Variants in TM7SF3 observed in about 807,000 individuals in gnomAD.
TM7SF3 encodes transmembrane 7 superfamily member 3.
A neutral mutation model predicts 65.5 loss-of-function variants in TM7SF3; 60 were observed. The observed-to-expected ratio is 0.92, with a 90% CI of 0.74 to 1.14. The LOEUF (loss-of-function observed/expected upper bound fraction) is 1.14, where lower values mean the gene tolerates loss of function less well. Among genes scored for constraint, TM7SF3 ranks in the 50% most tolerant of loss-of-function variants. The pLI, the probability that TM7SF3 is intolerant of heterozygous loss-of-function variation, is 0.00. For missense variants in TM7SF3, 623 were observed against 684.8 expected (o/e 0.91, Z 1.01); for synonymous variants, 264 against 259.6 (o/e 1.02, Z -0.16).
intron 6 of TM7SF3, among the ~76,000 whole-genome samples, chr12:26,984,424 C>T (rs1429874250): frequency 2.0e-5 from 3 of 146,472 alleles, no homozygotes. Context: ...AGCCAGACTC[C>T]ATCTCAAAAA....
rs1418517686 is a variant in TM7SF3 at position 27,014,215 on chromosome 12, C to A, written c.-47G>T. The A allele has an allele frequency of 2.0e-6, 3 of 1,527,126 alleles. No individual in the cohort carries two copies. Among genetic ancestry groups the A allele is most frequent in the Non-Finnish European group, 2.7e-6 (3 of 1,131,566 alleles). The allele number at this position is 1,527,126 out of a possible 1,614,324, so 94.6% of individuals were successfully genotyped here. On this transcript the variant is annotated 5_prime_UTR_variant, in exon 1 of 12. Transcript: ENST00000343028. ...CCCACGCCAGGGCTGGGGAGAGGTG[C>A]GGGCGTGCGCGCCGGGGCCCCGCAG... is the stretch of plus-strand genomic sequence containing the variant.
At chr12:27,004,242 G>A (rs943685243) in intron 1 of TM7SF3, among the ~76,000 whole-genome samples, 4 of 151,876 alleles carry the variant, frequency 2.6e-5, no homozygotes, top group African/African-American at 9.7e-5. Context: ...CTTTAATTAG[G>A]TTGCTTTTAC....
rs116237653 is a variant in TM7SF3 at position 26,984,861 on chromosome 12, C to T, written c.869-2002G>A. Among the ~76,000 whole-genome samples, 1,011 of 152,250 alleles carry T rather than the reference C, an allele frequency of 6.6e-3. 16 individuals carry two copies. Among genetic ancestry groups the T allele is most frequent in the African/African-American group, 0.022 (931 of 41,530 alleles). On this transcript the variant is annotated intron_variant, in intron 6 of 11. Coordinates refer to ENST00000343028, the MANE Select transcript of TM7SF3 (RefSeq NM_016551.3). ...AGGAGTGAATAGACTAGGACAGGAGCAAGTTGAAGGTTAAAGTGTCTTTAA... is the reference window on the plus strand; with the variant it reads ...AGGAGTGAATAGACTAGGACAGGAGTAAGTTGAAGGTTAAAGTGTCTTTAA...
intron 7 of TM7SF3, among the ~76,000 whole-genome samples, chr12:26,981,192 CTT>C (rs1210131625): frequency 6.6e-6 from 1 of 152,226 alleles, no homozygotes; most frequent in Non-Finnish European, 1.5e-5. Flanking sequence ...ATACAGATAA[CTT>C]TGTTCCCACA....
intron 3 of TM7SF3, among the ~76,000 whole-genome samples, chr12:26,999,193 G>A (rs909017891): frequency 6.6e-6 from 1 of 151,984 alleles, no homozygotes; most frequent in Non-Finnish European, 1.5e-5. Flanking sequence ...TCAGGAGTTC[G>A]AGACCAGCCT....
chr12:27,008,784 T>A lies in TM7SF3; in HGVS notation c.91+5294A>T, dbSNP rs1027842369. 4.6e-5 allele frequency among the ~76,000 whole-genome samples: 7 copies of A among 152,280 alleles called. No homozygotes were observed. In the East Asian group the frequency reaches 1.4e-3, roughly 29 times the overall value. ...AAAAATACCACCCTGTAGTACCCCA[T>A]GTTCTCTCACTTATAAATGGGAGCT... On this transcript the variant is annotated intron_variant, in intron 1 of 11. Transcript: ENST00000343028.
At chr12:26,985,660 T>C (rs1322541971) in intron 6 of TM7SF3, among the ~76,000 whole-genome samples, 2 of 94,056 alleles carry the variant, frequency 2.1e-5, no homozygotes, top group African/African-American at 8.1e-5. Flanking sequence ...AAAATATATA[T>C]ATATATATAT....
Position 26,976,273 on chromosome 12 carries a change from C to T in TM7SF3, c.1274G>A (p.Gly425Asp). ...IAILIPVVFMGCLRILNILTC... is the reference protein window; with the variant it reads ...IAILIPVVFMDCLRILNILTC... ...TGAAACACTTACTATTCTTAGGCAG[C>T]CCATGAAAACTACTGGAATGAGGAT... Residue 425 changes from glycine (G) to aspartate (D), a missense_variant, in exon 10 of 12, where the codon GGC (glycine) becomes GAC (aspartate). By Grantham distance (94) the Gly-to-Asp change is moderately conservative (BLOSUM62 -1). Transcript: ENST00000343028. 1 of 1,610,890 alleles carries T rather than the reference C, an allele frequency of 6.2e-7. No individual in the cohort carries two copies. The highest frequency in any genetic ancestry group is 8.5e-7 in the Non-Finnish European group (1 of 1,177,208).
At chr12:26,991,447 C>T (rs953600663) in intron 5 of TM7SF3, among the ~76,000 whole-genome samples, 2 of 152,150 alleles carry the variant, frequency 1.3e-5, no homozygotes, top group Non-Finnish European at 2.9e-5. Context: ...CCACCGCGCC[C>T]GGCCAGTAGT....
rs1180508767 is a variant in TM7SF3 at position 26,996,846 on chromosome 12, G to C, written c.414C>G (p.Gly138=). The C allele has an allele frequency of 1.2e-6, 2 of 1,612,026 alleles. No homozygotes were observed. Among genetic ancestry groups the C allele is most frequent in the African/African-American group, 2.7e-5 (2 of 74,714 alleles). The part of the protein sequence containing the change: ...SYSERDPVPG[G]CNLEFDLDID... ...TATCTAAATCGAACTCCAAATTACA[G>C]CCTCCAGGGACAGGATCTGGATAAG... The change falls in exon 4 of 12, where the codon GGC becomes GGG. Residue 138 remains glycine, a synonymous_variant. Transcript: ENST00000343028.
At position 27,003,253 on chromosome 12, in the gene TM7SF3, T is replaced by C; in HGVS notation, c.229A>G (p.Thr77Ala). Residue 77 changes from threonine to alanine, a missense_variant, in exon 2 of 12, where the codon ACT becomes GCT. Coordinates refer to ENST00000343028, the MANE Select transcript of TM7SF3 (RefSeq NM_016551.3). ...GCACTTACCGGAGAAAAGGAAACAG[T>C]TGTATTCTGATACTGTGAGTGTATT... The part of the protein sequence containing the change: ...FQIHSQYQNT[T>A]VSFSPTLLSN... 2 of 1,610,880 alleles carry C rather than the reference T, an allele frequency of 1.2e-6. No individual in the cohort carries two copies. Among genetic ancestry groups the C allele is most frequent in the Admixed American group, 1.7e-5 (1 of 59,692 alleles).
rs1249786313 is a variant in TM7SF3, at chr12:26,976,304, T to C, written c.1243A>G (p.Ile415Val). 1.2e-6 allele frequency: 2 copies of C among 1,614,088 alleles called. No individual in the cohort carries two copies. Among genetic ancestry groups the C allele is most frequent in the East Asian group, 2.2e-5 (1 of 44,858 alleles). ...DGVFWVTFSC[I>V]AILIPVVFMG... ...AAAACTACTGGAATGAGGATAGCTATGCAAGAGAAAGTGACCCAGAATACA... is the reference window on the plus strand; with the variant it reads ...AAAACTACTGGAATGAGGATAGCTACGCAAGAGAAAGTGACCCAGAATACA... The change falls in exon 10 of 12, where the codon ATA (isoleucine) becomes GTA (valine). Residue 415 changes from isoleucine (I) to valine (V), a missense_variant. Coordinates refer to ENST00000343028, the MANE Select transcript of TM7SF3 (RefSeq NM_016551.3).
intron 11 of TM7SF3, among the ~76,000 whole-genome samples, chr12:26,974,699 C>T (rs1204129428): frequency 3.3e-5 from 5 of 152,170 alleles, no homozygotes; most frequent in Non-Finnish European, 7.3e-5. Flanking sequence ...AAAGATTCAA[C>T]CAATCGTACT....
intron 9 of TM7SF3, among the ~76,000 whole-genome samples, chr12:26,977,790 GTA>G (rs1461998690): frequency 5.1e-5 from 7 of 136,938 alleles, no homozygotes; most frequent in Non-Finnish European, 8.0e-5. Flanking sequence ...GTGTGTGTGT[GTA>G]TGTGTGTGTG....
chr12:26,985,621 C>T (rs1592281494), intron 6 of TM7SF3, among the ~76,000 whole-genome samples: 1 of 61,066 alleles, frequency 1.6e-5, no homozygotes, highest in Non-Finnish European at 2.9e-5. Context: ...GTGAGACTGT[C>T]AAAAAAAAAA....
intron 10 of TM7SF3, 161 bp from the exon 11 acceptor site, chr12:26,975,819 C>T (rs1939541150): frequency 5.9e-6 from 4 of 680,280 alleles, no homozygotes; most frequent in South Asian, 2.2e-5. Flanking sequence ...GAAAGATAAA[C>T]TGAAAACAAC....
At chr12:26,992,176 T>C (rs768693542) in intron 5 of TM7SF3, among the ~76,000 whole-genome samples, 3 of 152,162 alleles carry the variant, frequency 2.0e-5, no homozygotes, top group Non-Finnish European at 4.4e-5. Flanking sequence ...CACCAAACAT[T>C]ATGGCTTTAC....
chr12:27,013,606 C>T (rs996385377), intron 1 of TM7SF3, among the ~76,000 whole-genome samples: 3 of 152,132 alleles, frequency 2.0e-5, no homozygotes, highest in African/African-American at 7.2e-5. Context: ...TTCATTTTCC[C>T]TCTCAAACTC....
At chr12:26,986,464 T>G (rs1020229189) in intron 6 of TM7SF3, among the ~76,000 whole-genome samples, 2 of 152,124 alleles carry the variant, frequency 1.3e-5, no homozygotes, top group African/African-American at 4.8e-5. Context: ...CATGTTGTAC[T>G]CAAGAGTTGG....
Sources: gnomAD v4.1 joint callset for allele counts (sites outside exome capture counted in the v4.1 genomes callset) on GRCh38, gnomAD v4.1.1 for gene constraint, MANE v1.5 for transcripts, NCBI Gene and HGNC (gene_info 2026-07-23, HGNC 2026-07-21) for gene names.